HKDC1: variants seen among roughly 807,000 people sequenced by gnomAD.
HKDC1 encodes hexokinase domain containing 1.
Under a neutral mutation model 96.6 loss-of-function variants are expected in HKDC1, and 66 were observed. That is an observed-to-expected ratio of 0.68 (90% CI 0.56 to 0.84). HKDC1 has a LOEUF of 0.84. HKDC1 is among the 40% of genes least tolerant of loss of function. The probability of loss-of-function intolerance (pLI) is 0.00; values close to 1 mark genes in which losing one functional copy is unlikely to be tolerated. For synonymous variants in HKDC1, 466 were observed against 473.1 expected, an observed-to-expected ratio of 0.98 and a Z score of 0.20; for missense variants, 1,211 against 1,208.1, an observed-to-expected ratio of 1.00 and a Z score of -0.04.
chr10:69,256,922 G>T (rs772301403), intron 12 of HKDC1, 114 bp from the exon 13 acceptor site: 1 of 767,570 alleles, frequency 1.3e-6, no homozygotes, highest in Non-Finnish European at 2.3e-6. Context: ...ATAGTCAAAA[G>T]CACACGTACT....
At chr10:69,251,261 A>G (rs1843640179) in intron 12 of HKDC1, among the ~76,000 whole-genome samples, 1 of 151,354 alleles carries the variant, frequency 6.6e-6, no homozygotes, top group Non-Finnish European at 1.5e-5. Context: ...CGCCTGGCTA[A>G]TTTTTTGTAT....
In HKDC1 at chr10:69,240,734, A is replaced by T. The variant is rs1564729688; in HGVS notation, c.674A>T (p.Glu225Val). The change falls in exon 6 of 18, where the codon GAA (glutamate) becomes GTA (valine). Residue 225 changes from glutamate (E) to valine (V), a missense_variant. By Grantham distance (121) the Glu-to-Val change is moderately radical (BLOSUM62 -2). Coordinates refer to ENST00000354624, the MANE Select transcript of HKDC1 (RefSeq NM_025130.4). ...TGTGCCTATGACGACCCCTACTGCG[A>T]AGTTGGTGTCATCATCGGTAACTCA... is the stretch of plus-strand genomic sequence containing the variant. The part of the protein sequence containing the change: ...MTCAYDDPYC[E>V]VGVIIGTGTN... 6.2e-7 allele frequency: 1 copy of T among 1,613,850 alleles called. No individual in the cohort carries two copies.
At chr10:69,257,528 C>A in intron 14 of HKDC1, 102 bp downstream of exon 14, 1 of 962,942 alleles carries the variant, frequency 1.0e-6, no homozygotes, top group Non-Finnish European at 1.7e-6. Flanking sequence ...TATACAGAGG[C>A]TCTGCCCAAG....
rs34401681 is a variant in HKDC1 at position 69,264,197 on chromosome 10, CTGTGTGTGTG to C, written c.2373-1352_2373-1343del. Among the ~76,000 whole-genome samples, 287 of 139,538 alleles carry C rather than the reference CTGTGTGTGTG, an allele frequency of 2.1e-3. 4 individuals carry two copies. The highest frequency in any genetic ancestry group is 2.7e-3 in the East Asian group (13 of 4,762). The allele number at this position is 139,538 out of a possible 152,430, so 91.5% of individuals were successfully genotyped here. Reference sequence around the variant, plus strand: ...TCCCAATGTCTGAATAGATTTCCTTCTGTGTGTGTGTGTGTGTGTGTGTGTGTGTGTGTGT... The same window carrying C: ...TCCCAATGTCTGAATAGATTTCCTTCTGTGTGTGTGTGTGTGTGTGTGTGT... On this transcript the variant is annotated intron_variant, in intron 16 of 17. Coordinates refer to ENST00000354624, the MANE Select transcript of HKDC1 (RefSeq NM_025130.4).
Position 69,267,381 on chromosome 10 carries a change from C to T in HKDC1, c.*624C>T, listed in dbSNP as rs1843921627. ...TGCTTAAAGCGAGTTATGTCAGCAC[C>T]CTGTAGGATTTTGTTCCTTATTAAG... On this transcript the variant is annotated 3_prime_UTR_variant, in exon 18 of 18. Coordinates refer to ENST00000354624, the MANE Select transcript of HKDC1 (RefSeq NM_025130.4). 4 of 423,464 alleles carry T rather than the reference C, an allele frequency of 9.4e-6. No homozygotes were observed. The highest frequency in any genetic ancestry group is 2.1e-5 in the African/African-American group (1 of 47,966). The allele number at this position is 423,464 out of a possible 1,614,324, so 26.2% of individuals were successfully genotyped here. A position where few individuals can be genotyped will look rare whatever the true frequency, so the allele number is the denominator to read the frequency against.
intron 12 of HKDC1, among the ~76,000 whole-genome samples, chr10:69,253,187 TG>T (rs1313221236): frequency 2.0e-5 from 3 of 152,154 alleles, no homozygotes; most frequent in Non-Finnish European, 4.4e-5. Flanking sequence ...GACTAGACAC[TG>T]GGCTAAGCTC....
chr10:69,245,502 C>T (rs1370008611), intron 7 of HKDC1, among the ~76,000 whole-genome samples: 1 of 151,476 alleles, frequency 6.6e-6, no homozygotes, highest in East Asian at 1.9e-4. Flanking sequence ...GCCAGGAGTT[C>T]GAGGCTGCAG....
intron 8 of HKDC1, 66 bp from the exon 9 acceptor site, chr10:69,247,294 T>C: frequency 3.7e-6 from 4 of 1,071,404 alleles, no homozygotes; most frequent in Non-Finnish European, 5.8e-6. Flanking sequence ...TGGAGAAGCT[T>C]GTTCCCCCAG....
chr10:69,229,983 C>T (rs1050037324), intron 2 of HKDC1, among the ~76,000 whole-genome samples: 1 of 152,070 alleles, frequency 6.6e-6, no homozygotes, highest in Admixed American at 6.5e-5. Context: ...TGATTACCGA[C>T]AAAAAACAAG....
chr10:69,233,904 A>AAAAAAAAAAAAAT (rs1843319127), intron 4 of HKDC1, among the ~76,000 whole-genome samples: 1 of 144,848 alleles, frequency 6.9e-6, no homozygotes, highest in Non-Finnish European at 1.5e-5. Flanking sequence ...TCTCAAAAAA[A>AAAAAAAAAAAAAT]AAAAAAGGAA....
chr10:69,260,657 AC>A (rs1365414522), intron 15 of HKDC1, among the ~76,000 whole-genome samples: 1 of 152,140 alleles, frequency 6.6e-6, no homozygotes, highest in Non-Finnish European at 1.5e-5. Flanking sequence ...GATGTGTGTC[AC>A]CATCACACAC....
chr10:69,247,258 C>A, intron 8 of HKDC1, 102 bp from the exon 9 acceptor site: 1 of 753,146 alleles, frequency 1.3e-6, no homozygotes, highest in South Asian at 1.6e-5. Flanking sequence ...ATGGACCTGC[C>A]TATTAATTTT....
chr10:69,232,837 G>C lies in HKDC1; in HGVS notation c.300G>C (p.Glu100Asp). 6.2e-7 allele frequency: 1 copy of C among 1,614,146 alleles called. No individual in the cohort carries two copies. Among genetic ancestry groups the C allele is most frequent in the Middle Eastern group, 1.6e-4 (1 of 6,062 alleles). The change falls in exon 3 of 18, where the codon GAG (glutamate) becomes GAC (aspartate). Residue 100 changes from glutamate to aspartate, a missense_variant. Glu to Asp is a conservative substitution (Grantham distance 45, BLOSUM62 2). Coordinates refer to ENST00000354624, the MANE Select transcript of HKDC1 (RefSeq NM_025130.4). ...TGCTGAAGGTGCAAGTCGCTGAAGA[G>C]GGGAAGCGACACGTGCAGATGGAGA... The part of the protein sequence containing the change: ...FRVLKVQVAE[E>D]GKRHVQMESQ...
At chr10:69,251,963 T>C (rs920713267) in intron 12 of HKDC1, among the ~76,000 whole-genome samples, 1 of 152,126 alleles carries the variant, frequency 6.6e-6, no homozygotes, top group South Asian at 2.1e-4. Flanking sequence ...TTTCACCATG[T>C]TGGCCAGGCT....
At chr10:69,248,922 A>G in intron 10 of HKDC1, 194 bp downstream of exon 10, 1 of 580,492 alleles carries the variant, frequency 1.7e-6, no homozygotes, top group Non-Finnish European at 3.0e-6. Flanking sequence ...TAAAAACAAA[A>G]CAAATAAACA....
At chr10:69,256,927 CG>C in intron 12 of HKDC1, 108 bp from the exon 13 acceptor site, 3 of 800,000 alleles carry the variant, frequency 3.8e-6, no homozygotes, top group Non-Finnish European at 6.5e-6. Flanking sequence ...CAAAAGCACA[CG>C]TACTTGACAA....
In HKDC1 at chr10:69,242,556, C is replaced by G. The variant is rs113229581; in HGVS notation, c.692-626C>G. Among the ~76,000 whole-genome samples the G allele has an allele frequency of 8.6e-3, 1,314 of 152,064 alleles. 24 individuals are homozygous for G. Among genetic ancestry groups the G allele is most frequent in the African/African-American group, 0.03 (1,239 of 41,478 alleles). ...ATAGTTTTGTAACCATCACCACAATCCGATTTTAGAACATTTCTGTCCTCC... is the reference window on the plus strand; with the variant it reads ...ATAGTTTTGTAACCATCACCACAATGCGATTTTAGAACATTTCTGTCCTCC... On this transcript the variant is annotated intron_variant, in intron 6 of 17. Coordinates refer to ENST00000354624, the MANE Select transcript of HKDC1 (RefSeq NM_025130.4).
chr10:69,261,576 T>C (rs1843811597), intron 16 of HKDC1: 2 of 304,070 alleles, frequency 6.6e-6, no homozygotes, highest in East Asian at 1.1e-4. Flanking sequence ...CATCTATAAA[T>C]ATTTCATAAT....
chr10:69,266,462 C>CCAAA, intron 17 of HKDC1, 148 bp from the exon 18 acceptor site: 1 of 341,566 alleles, frequency 2.9e-6, no homozygotes, highest in Non-Finnish European at 4.8e-6. Flanking sequence ...GAGACCATGT[C>CCAAA]TAAAAAAAAA....
Sources: allele counts gnomAD v4.1 joint callset (sites outside exome capture counted in the v4.1 genomes callset), GRCh38; gene constraint gnomAD v4.1.1; transcripts MANE v1.5; gene names NCBI Gene and HGNC (gene_info 2026-07-23, HGNC 2026-07-21).